Variants in RASGRF2 observed in about 807,000 individuals in gnomAD.
RASGRF2 encodes ras-specific guanine nucleotide-releasing factor 2.
RASGRF2 carries 76 observed loss-of-function variants against 151.0 expected under a neutral mutation model. The observed-to-expected ratio is 0.50, with a 90% CI of 0.42 to 0.61. The LOEUF (loss-of-function observed/expected upper bound fraction) is 0.61, where lower values mean the gene tolerates loss of function less well. Ranked by LOEUF, RASGRF2 falls within the 20% of genes least tolerant of loss-of-function variation. RASGRF2 has a pLI of 0.00. For missense variants in RASGRF2, 1,148 were observed against 1,564.6 expected (o/e 0.73, Z 4.49); for synonymous variants, 504 against 566.5 (o/e 0.89, Z 1.57).
intron 24 of RASGRF2, among the ~76,000 whole-genome samples, chr5:81,216,386 A>C (rs200185670): frequency 3.3e-4 from 38 of 114,180 alleles, no homozygotes; most frequent in African/African-American, 6.5e-4. Context: ...CACACACACA[A>C]ACACACACAC....
chr5:81,209,303 T>C (rs1755580698), intron 22 of RASGRF2, among the ~76,000 whole-genome samples: 2 of 152,170 alleles, frequency 1.3e-5, no homozygotes, highest in Admixed American at 1.3e-4. Context: ...CGCTCTTCCT[T>C]AGTGCTGTTC....
At chr5:81,027,573 C>G (rs1280417745) in intron 1 of RASGRF2, among the ~76,000 whole-genome samples, 4 of 152,138 alleles carry the variant, frequency 2.6e-5, no homozygotes, top group African/African-American at 4.8e-5. Context: ...TAAGAGATTG[C>G]CGAGTGTTTC....
chr5:81,093,698 G>T (rs1361144736), intron 10 of RASGRF2, among the ~76,000 whole-genome samples: 1 of 152,134 alleles, frequency 6.6e-6, no homozygotes, highest in African/African-American at 2.4e-5. Flanking sequence ...GAGCCACTGT[G>T]CCTGGTGTAC....
At chr5:81,046,274 T>C (rs968017087) in intron 2 of RASGRF2, among the ~76,000 whole-genome samples, 1 of 152,188 alleles carries the variant, frequency 6.6e-6, no homozygotes, top group African/African-American at 2.4e-5. Context: ...CATTGTTCTG[T>C]TGGCTTTCGT....
At chr5:81,128,437 T>A (rs1429113305) in intron 17 of RASGRF2, among the ~76,000 whole-genome samples, 1 of 152,186 alleles carries the variant, frequency 6.6e-6, no homozygotes, top group African/African-American at 2.4e-5. Flanking sequence ...AAAAGCTCCT[T>A]CAGGTGAGTC....
chr5:81,093,044 C>T, intron 10 of RASGRF2, 83 bp downstream of exon 10: 1 of 1,366,402 alleles, frequency 7.3e-7, no homozygotes, highest in Non-Finnish European at 1.0e-6. Flanking sequence ...CTTTCCCATG[C>T]TTGGTATTAT....
intron 17 of RASGRF2, among the ~76,000 whole-genome samples, chr5:81,159,289 A>G (rs1754328843): frequency 6.6e-6 from 1 of 152,232 alleles, no homozygotes; most frequent in South Asian, 2.1e-4. Flanking sequence ...AGATTTGTGG[A>G]CAAGATGGTC....
intron 1 of RASGRF2, chr5:80,997,511 G>T (rs1175085841): frequency 2.6e-5 from 4 of 153,206 alleles, no homozygotes; most frequent in African/African-American, 9.7e-5. Flanking sequence ...TGTCTTTCTT[G>T]GTGTATTTAT....
chr5:81,055,425 A>C lies in RASGRF2; in HGVS notation c.395+12442A>C, dbSNP rs555085890. ...GTTGGTTCTGTTTATATGCTGGATTACGTTTATTGATTTTGGGTATGTTGA... is the reference window on the plus strand; with the variant it reads ...GTTGGTTCTGTTTATATGCTGGATTCCGTTTATTGATTTTGGGTATGTTGA... On this transcript the variant is annotated intron_variant, in intron 2 of 26. Transcript: ENST00000265080. 7.2e-5 allele frequency among the ~76,000 whole-genome samples: 11 copies of C among 152,286 alleles called. No individual in the cohort carries two copies. In the East Asian group the frequency reaches 1.7e-3, roughly 24 times the overall value.
At chr5:81,042,502 T>C (rs1201440838) in intron 1 of RASGRF2, among the ~76,000 whole-genome samples, 1 of 152,260 alleles carries the variant, frequency 6.6e-6, no homozygotes, top group East Asian at 1.9e-4. Context: ...AGTGCAGTGA[T>C]GTAGACTTCT....
chr5:81,012,716 T>C (rs140599495), intron 1 of RASGRF2, among the ~76,000 whole-genome samples: 1 of 152,152 alleles, frequency 6.6e-6, no homozygotes, highest in Non-Finnish European at 1.5e-5. Context: ...CATCCACCAC[T>C]GTTAGAACAG....
chr5:81,034,903 A>T (rs1182101341), intron 1 of RASGRF2, among the ~76,000 whole-genome samples: 4 of 152,010 alleles, frequency 2.6e-5, no homozygotes, highest in Admixed American at 6.6e-5. Context: ...CATATGTAAC[A>T]AACCTGCACA....
chr5:81,185,057 C>T (rs1463652330), intron 18 of RASGRF2, among the ~76,000 whole-genome samples: 2 of 152,190 alleles, frequency 1.3e-5, no homozygotes, highest in Non-Finnish European at 2.9e-5. Flanking sequence ...TGGAGTGGCT[C>T]GGCCACCTAA....
At chr5:81,202,757 A>G (rs549473170) in intron 19 of RASGRF2, among the ~76,000 whole-genome samples, 3 of 152,356 alleles carry the variant, frequency 2.0e-5, no homozygotes, top group African/African-American at 4.8e-5. Flanking sequence ...TAAGAAGTCA[A>G]CCATGGAAGA....
At chr5:80,968,898 C>T (rs1276562886) in intron 1 of RASGRF2, among the ~76,000 whole-genome samples, 2 of 151,766 alleles carry the variant, frequency 1.3e-5, no homozygotes, top group East Asian at 3.9e-4. Context: ...TGCCCAGGCT[C>T]GTCTTGAACT....
At chr5:81,191,059 G>T (rs115319030) in intron 18 of RASGRF2, among the ~76,000 whole-genome samples, 4 of 152,072 alleles carry the variant, frequency 2.6e-5, no homozygotes, top group African/African-American at 9.7e-5. Context: ...TGGAGACTGC[G>T]GCATGCAACC....
rs1242720859 is a variant in RASGRF2 at position 81,109,031 on chromosome 5, T to C, written c.1791T>C (p.Thr597=). 1 of 1,611,658 alleles carries C rather than the reference T, an allele frequency of 6.2e-7. No homozygotes were observed. Among genetic ancestry groups the C allele is most frequent in the South Asian group, 1.1e-5 (1 of 90,970 alleles). Residue 597 remains threonine (T), a synonymous_variant, in exon 13 of 27, where the codon ACT becomes ACC. Coordinates refer to ENST00000265080, the MANE Select transcript of RASGRF2 (RefSeq NM_006909.3). ...ATATACGATGTAATGGTTTAATGAC[T>C]ATAGTGTTTGAAGAGAATTCCAAAG... ...VDNIRCNGLM[T]IVFEENSKVT...
At chr5:81,047,307 G>C (rs1216263485) in intron 2 of RASGRF2, among the ~76,000 whole-genome samples, 1 of 152,224 alleles carries the variant, frequency 6.6e-6, no homozygotes, top group Non-Finnish European at 1.5e-5. Flanking sequence ...GAAGTAAGGT[G>C]TATCCTGAGG....
At chr5:81,106,154 A>G (rs947888158) in intron 12 of RASGRF2, among the ~76,000 whole-genome samples, 4 of 152,168 alleles carry the variant, frequency 2.6e-5, no homozygotes, top group Admixed American at 1.3e-4. Flanking sequence ...CCTTTTAAAT[A>G]TATTTGCATC....
Sources: gnomAD v4.1 joint callset for allele counts (sites outside exome capture counted in the v4.1 genomes callset) on GRCh38, gnomAD v4.1.1 for gene constraint, MANE v1.5 for transcripts, NCBI Gene and HGNC (gene_info 2026-07-23, HGNC 2026-07-21) for gene names.